CREBRF: variants seen among roughly 807,000 people sequenced by gnomAD.
CREBRF encodes CREB3 regulatory factor, also known as UPF0474 protein C5orf41.
In CREBRF, 5 loss-of-function variants were observed where a neutral mutation model predicts 66.1. That is an observed-to-expected ratio of 0.08 (90% CI 0.04 to 0.16). The LOEUF is 0.16. Ranked by LOEUF, CREBRF falls within the 10% of genes least tolerant of loss-of-function variation. The pLI is 1.00. For synonymous variants in CREBRF, 229 were observed against 264.4 expected (o/e 0.87, Z 1.30); for missense variants, 531 against 744.9 (o/e 0.71, Z 3.34).
At chr5:173,117,484 C>T (rs1034041077) in intron 7 of CREBRF, among the ~76,000 whole-genome samples, 3 of 150,142 alleles carry the variant, frequency 2.0e-5, no homozygotes, top group Non-Finnish European at 4.4e-5. Context: ...TTTTCCTTTC[C>T]TTTTCCTTTT....
At chr5:173,074,896 C>T (rs1379635493) in intron 1 of CREBRF, among the ~76,000 whole-genome samples, 8 of 152,166 alleles carry the variant, frequency 5.3e-5, no homozygotes, top group Non-Finnish European at 7.3e-5. Context: ...GTTGGGATTA[C>T]AGGCATGAGC....
At chr5:173,131,365 A>G (rs1402829654) in intron 8 of CREBRF, among the ~76,000 whole-genome samples, 4 of 152,168 alleles carry the variant, frequency 2.6e-5, no homozygotes, top group African/African-American at 9.7e-5. Flanking sequence ...CCATTTTCCC[A>G]GTTGTCTCAA....
At chr5:173,087,045 T>A (rs1028191964) in intron 3 of CREBRF, among the ~76,000 whole-genome samples, 65 of 151,668 alleles carry the variant, frequency 4.3e-4, no homozygotes, top group Non-Finnish European at 1.6e-4. Context: ...CTCCTGGGTT[T>A]AAGCTATTCT....
chr5:173,093,444 C>T (rs1208285704), intron 4 of CREBRF, among the ~76,000 whole-genome samples: 1 of 152,036 alleles, frequency 6.6e-6, no homozygotes. Context: ...ATTAACATAC[C>T]CATCACTTCA....
At chr5:173,100,878 T>C (rs534678933) in intron 4 of CREBRF, among the ~76,000 whole-genome samples, 2 of 152,246 alleles carry the variant, frequency 1.3e-5, no homozygotes, top group African/African-American at 4.8e-5. Flanking sequence ...AGAGAGAGGG[T>C]CTCACTGTGT....
chr5:173,128,638 C>T (rs1343793053), intron 8 of CREBRF, among the ~76,000 whole-genome samples: 1 of 151,930 alleles, frequency 6.6e-6, no homozygotes, highest in Non-Finnish European at 1.5e-5. Context: ...ACGAAGTACA[C>T]TTCTTGTCTG....
rs140250458 is a variant in CREBRF, at chr5:173,136,190, T to C, written c.*2445T>C. 1 of 152,478 alleles carries C rather than the reference T, an allele frequency of 6.6e-6. No homozygotes were observed. Among genetic ancestry groups the C allele is most frequent in the African/African-American group, 2.4e-5 (1 of 41,528 alleles). The allele number at this position is 152,478 out of a possible 1,614,324, so 9.4% of individuals were successfully genotyped here. On this transcript the variant is annotated 3_prime_UTR_variant, in exon 9 of 9. Coordinates refer to ENST00000296953, the MANE Select transcript of CREBRF (RefSeq NM_153607.3). ...TCTGGTTTTTGATACTTTTTTCCTG[T>C]CTGCAAACCAGAATTTGATTTTTTG...
rs780723745 is a variant in CREBRF, at chr5:173,059,256, C to CTTTTTTTTTTTTTT, written c.-192+2785_-192+2786insTTTTTTTTTTTTTT. On this transcript the variant is annotated intron_variant, in intron 1 of 8. Coordinates refer to ENST00000296953, the MANE Select transcript of CREBRF (RefSeq NM_153607.3). The stretch of plus-strand genomic sequence containing the variant: ...AGCTTATTTATCAGTTCTTCTTTTT[C>CTTTTTTTTTTTTTT]TTTTTTTTCTTTTTTTTTTTTTTTT... 1.7e-4 allele frequency among the ~76,000 whole-genome samples: 20 copies of CTTTTTTTTTTTTTT among 117,642 alleles called. 2 individuals are homozygous for CTTTTTTTTTTTTTT. Among genetic ancestry groups the CTTTTTTTTTTTTTT allele is most frequent in the African/African-American group, 2.9e-4 (9 of 31,312 alleles). The allele number at this position is 117,642 out of a possible 152,430, so 77.2% of individuals were successfully genotyped here.
chr5:173,079,816 G>A (rs185198090), intron 1 of CREBRF, among the ~76,000 whole-genome samples: 302 of 152,314 alleles, frequency 2.0e-3, no homozygotes, highest in South Asian at 0.011. Flanking sequence ...AAAATGAAGC[G>A]AGTATAACTG....
chr5:173,099,016 A>G (rs1446586968), intron 4 of CREBRF, among the ~76,000 whole-genome samples: 1 of 152,008 alleles, frequency 6.6e-6, no homozygotes, highest in East Asian at 1.9e-4. Flanking sequence ...AGTAGCTGGG[A>G]CTATAGGTGT....
intron 7 of CREBRF, among the ~76,000 whole-genome samples, chr5:173,118,845 C>T (rs1759069699): frequency 6.6e-6 from 1 of 151,032 alleles, no homozygotes; most frequent in African/African-American, 2.4e-5. Flanking sequence ...TCAAGACCAA[C>T]CTGGCCAACA....
At chr5:173,117,786 C>T (rs1024647873) in intron 7 of CREBRF, among the ~76,000 whole-genome samples, 1 of 150,554 alleles carries the variant, frequency 6.6e-6, no homozygotes, top group East Asian at 1.9e-4. Context: ...TCTCAGCTCA[C>T]TGCAACCTCT....
chr5:173,087,133 G>A (rs1758176262), intron 3 of CREBRF, among the ~76,000 whole-genome samples: 1 of 152,022 alleles, frequency 6.6e-6, no homozygotes, highest in Non-Finnish European at 1.5e-5. Context: ...TTTTAGTAGG[G>A]ACAGGGTGTC....
At chr5:173,083,882 A>T (rs1561800006) in intron 2 of CREBRF, among the ~76,000 whole-genome samples, 1 of 152,166 alleles carries the variant, frequency 6.6e-6, no homozygotes, top group Non-Finnish European at 1.5e-5. Context: ...ACATTTTTTT[A>T]AATTACAAAC....
At chr5:173,098,645 T>A (rs1758537998) in intron 4 of CREBRF, among the ~76,000 whole-genome samples, 1 of 152,150 alleles carries the variant, frequency 6.6e-6, no homozygotes, top group Admixed American at 6.5e-5. Context: ...AAATCCATTG[T>A]TTTTTTAATT....
chr5:173,070,826 C>T (rs1757576907), intron 1 of CREBRF, among the ~76,000 whole-genome samples: 1 of 152,048 alleles, frequency 6.6e-6, no homozygotes, highest in Admixed American at 6.5e-5. Flanking sequence ...TTTGTAATGT[C>T]CTCATTGTGA....
chr5:173,126,820 G>A (rs1759286089), intron 8 of CREBRF, among the ~76,000 whole-genome samples: 1 of 152,152 alleles, frequency 6.6e-6, no homozygotes, highest in African/African-American at 2.4e-5. Context: ...CTTATCACTT[G>A]TAAATGTTTT....
chr5:173,098,468 G>A lies in CREBRF; in HGVS notation c.1222+7067G>A, dbSNP rs80208077. Among the ~76,000 whole-genome samples the A allele has an allele frequency of 8.5e-5, 13 of 152,126 alleles. No individual in the cohort carries two copies. In the East Asian group the frequency reaches 2.5e-3, roughly 29 times the overall value. On this transcript the variant is annotated intron_variant, in intron 4 of 8. Transcript: ENST00000296953. Reference sequence around the variant, plus strand: ...TACAGTTGCCAAAATATCATACTTGGTATTATTTCAGTCTTCTTAAATTTG... The same window carrying A: ...TACAGTTGCCAAAATATCATACTTGATATTATTTCAGTCTTCTTAAATTTG...
chr5:173,085,912 G>A (rs1386704692), intron 2 of CREBRF: 7 of 973,254 alleles, frequency 7.2e-6, no homozygotes, highest in Non-Finnish European at 1.2e-5. Flanking sequence ...GAGTCTTTGG[G>A]ACAGTTAGGC....
Sources: gnomAD v4.1 joint callset for allele counts (sites outside exome capture counted in the v4.1 genomes callset) on GRCh38, gnomAD v4.1.1 for gene constraint, MANE v1.5 for transcripts, NCBI Gene and HGNC (gene_info 2026-07-23, HGNC 2026-07-21) for gene names.